Variants in DLEC1 observed in about 807,000 individuals in gnomAD.
The protein encoded by DLEC1 is DLEC1 cilia and flagella associated protein.
DLEC1 carries 146 observed loss-of-function variants against 198.1 expected under a neutral mutation model. The ratio of observed to expected loss-of-function variants is 0.74; its 90% CI spans 0.64 to 0.85. DLEC1 has a LOEUF of 0.85. Among genes scored for constraint, DLEC1 ranks in the 40% least tolerant of loss-of-function variants. The pLI is 0.00. For synonymous variants in DLEC1, 897 were observed against 866.8 expected, an observed-to-expected ratio of 1.03 and a Z score of -0.61; for missense variants, 2,233 against 2,220.0, an observed-to-expected ratio of 1.01 and a Z score of -0.12.
chr3:38,068,305 C>T (rs1697140086), intron 6 of DLEC1, among the ~76,000 whole-genome samples: 1 of 152,084 alleles, frequency 6.6e-6, no homozygotes, highest in Non-Finnish European at 1.5e-5. Flanking sequence ...TCTTGGCTCA[C>T]TGCAACCTCT....
chr3:38,055,845 G>A (rs751724566), intron 2 of DLEC1, among the ~76,000 whole-genome samples: 1 of 151,904 alleles, frequency 6.6e-6, no homozygotes, highest in Non-Finnish European at 1.5e-5. Context: ...CCTAGAAGAC[G>A]CTATGGGAGA....
At position 38,062,699 on chromosome 3, in the gene DLEC1, GT is replaced by G; in HGVS notation, c.999del (p.Pro334LeufsTer21). The G allele has an allele frequency of 1.9e-6, 3 of 1,613,980 alleles. No homozygotes were observed. Among genetic ancestry groups the G allele is most frequent in the Non-Finnish European group, 1.7e-6 (2 of 1,180,006 alleles). On this transcript the variant is annotated frameshift_variant, in exon 5 of 37. Transcript: ENST00000308059. LOFTEE classifies it high-confidence loss of function. The part of the protein sequence containing the change: ...ESRNHFLKNP[R>X]FFPPNTRYGG... The stretch of plus-strand genomic sequence containing the variant: ...CGGAACCACTTCCTAAAAAATCCCC[GT>G]TTTTTTCCTCCTAACACTCGATATG...
At chr3:38,084,359 G>T (rs953443272) in intron 7 of DLEC1, 114 bp downstream of exon 7, 1 of 851,178 alleles carries the variant, frequency 1.2e-6, no homozygotes, top group Non-Finnish European at 1.8e-6. Flanking sequence ...TAGTGGTGGT[G>T]GTAGTAGTAG....
In DLEC1 at chr3:38,117,448, G is replaced by A. The variant is rs752435685; in HGVS notation, c.4401-79G>A. ...GAGGAGCCCAGGGAAAGGCTGGCCC[G>A]AGGCTGGATGAGCAGAGTGGGGGCA... On this transcript the variant is annotated intron_variant, in intron 31 of 36. Coordinates refer to ENST00000308059, the MANE Select transcript of DLEC1 (RefSeq NM_007335.4). 87 of 1,605,512 alleles carry A rather than the reference G, an allele frequency of 5.4e-5. 2 individuals are homozygous for A. The highest frequency in any genetic ancestry group is 2.2e-4 in the South Asian group (20 of 90,840).
intron 6 of DLEC1, among the ~76,000 whole-genome samples, chr3:38,071,219 C>T (rs1028144088): frequency 1.1e-4 from 17 of 151,910 alleles, no homozygotes; most frequent in African/African-American, 3.4e-4. Context: ...AGAAACTAAA[C>T]GGAAGATACA....
intron 33 of DLEC1, among the ~76,000 whole-genome samples, chr3:38,118,268 G>A (rs888342181): frequency 6.6e-6 from 1 of 152,136 alleles, no homozygotes; most frequent in Non-Finnish European, 1.5e-5. Context: ...ATGCATGCAC[G>A]TGCTCCATAA....
chr3:38,097,954 G>A, intron 18 of DLEC1, 52 bp downstream of exon 18: 1 of 1,608,578 alleles, frequency 6.2e-7, no homozygotes, highest in Non-Finnish European at 8.5e-7. Context: ...AGCCCGTTTA[G>A]CTTGCCCTGG....
intron 1 of DLEC1, among the ~76,000 whole-genome samples, chr3:38,040,528 G>A (rs1700604721): frequency 6.6e-6 from 1 of 152,128 alleles, no homozygotes; most frequent in East Asian, 1.9e-4. Context: ...CCGCCTCCAC[G>A]GGTTATAGGC....
At chr3:38,068,160 G>A (rs1402592532) in intron 6 of DLEC1, among the ~76,000 whole-genome samples, 3 of 152,166 alleles carry the variant, frequency 2.0e-5, no homozygotes, top group African/African-American at 4.8e-5. Flanking sequence ...TCTGCATGCC[G>A]TAGATTACAA....
intron 6 of DLEC1, among the ~76,000 whole-genome samples, chr3:38,066,049 T>C (rs1203198846): frequency 1.3e-5 from 2 of 152,226 alleles, no homozygotes; most frequent in African/African-American, 4.8e-5. Flanking sequence ...CCATTTTTCC[T>C]CTTTTTTGAC....
Position 38,109,175 on chromosome 3 carries a change from C to A in DLEC1, c.3130-257C>A, listed in dbSNP as rs1165145448. Among the ~76,000 whole-genome samples the A allele has an allele frequency of 2.0e-5, 3 of 152,340 alleles. No individual in the cohort carries two copies. In the East Asian group the frequency reaches 5.8e-4, roughly 29 times the overall value. The stretch of plus-strand genomic sequence containing the variant: ...AGGAAGTGCGCAGCTTCTCCAGAGG[C>A]CCTCTCTGAGGGGTCTCCCTTCACG... On this transcript the variant is annotated intron_variant, in intron 21 of 36. Transcript: ENST00000308059.
Position 38,097,657 on chromosome 3 carries a change from G to A in DLEC1, c.2565+20G>A. The A allele has an allele frequency of 1.2e-6, 2 of 1,614,148 alleles. No individual in the cohort carries two copies. Among genetic ancestry groups the A allele is most frequent in the Non-Finnish European group, 1.7e-6 (2 of 1,180,002 alleles). ...TTTAAGGTGCTGCAGGTGGAGCTGG[G>A]CAGTGGGGTGGGCCCAGAGAGGTGG... On this transcript the variant is annotated intron_variant, in intron 17 of 36. Coordinates refer to ENST00000308059, the MANE Select transcript of DLEC1 (RefSeq NM_007335.4).
chr3:38,102,176 A>G (rs972747843), intron 19 of DLEC1, among the ~76,000 whole-genome samples: 1 of 151,546 alleles, frequency 6.6e-6, no homozygotes, highest in African/African-American at 2.4e-5. Context: ...TCTCTCCCCT[A>G]TTGACAAGGG....
chr3:38,091,254 A>G (rs147943462), intron 10 of DLEC1, among the ~76,000 whole-genome samples: 11,649 of 152,146 alleles, frequency 0.077, 526 homozygotes, highest in Non-Finnish European at 0.1. Flanking sequence ...TCTTGAGCCC[A>G]GGAGTTTGAG....
intron 35 of DLEC1, 89 bp from the exon 36 acceptor site, chr3:38,121,982 G>A (rs1700493428): frequency 6.4e-7 from 1 of 1,568,346 alleles, no homozygotes; most frequent in African/African-American, 1.3e-5. Context: ...AGCAAGACCA[G>A]AGGTACAGGC....
rs751713270 is a variant in DLEC1, at chr3:38,097,601, C to T, written c.2529C>T (p.Pro843=). The change falls in exon 17 of 37, where the codon CCC becomes CCT. Residue 843 remains proline, a synonymous_variant. Coordinates refer to ENST00000308059, the MANE Select transcript of DLEC1 (RefSeq NM_007335.4). The stretch of plus-strand genomic sequence containing the variant: ...TGCTGTGTGAAATCGAAGACTCGCC[C>T]TCGCCAGTGGTGTTACACATTGAGG... ...QDLLCEIEDS[P]SPVVLHIEAV... is the part of the protein sequence containing the mutation. The T allele has an allele frequency of 1.2e-6, 2 of 1,614,212 alleles. No homozygotes were observed. Among genetic ancestry groups the T allele is most frequent in the Admixed American group, 3.3e-5 (2 of 60,032 alleles).
chr3:38,039,518 G>A lies in DLEC1; in HGVS notation c.293G>A (p.Gly98Asp). ...RTQDISHLLT[G>D]VFRNLYSAEV... ...CAAGATATCTCGCACTTGCTCACCGGCGTCTTCCGCAACTTGTACTCAGCC... is the reference window on the plus strand; with the variant it reads ...CAAGATATCTCGCACTTGCTCACCGACGTCTTCCGCAACTTGTACTCAGCC... Residue 98 changes from glycine (G) to aspartate (D), a missense_variant, in exon 1 of 37, where the codon GGC (glycine) becomes GAC (aspartate). Transcript: ENST00000308059. The A allele has an allele frequency of 1.2e-6, 2 of 1,614,036 alleles. No individual in the cohort carries two copies. Among genetic ancestry groups the A allele is most frequent in the Non-Finnish European group, 1.7e-6 (2 of 1,179,918 alleles).
intron 2 of DLEC1, among the ~76,000 whole-genome samples, chr3:38,053,601 G>A (rs113210738): frequency 1.5e-3 from 179 of 120,820 alleles, no homozygotes; most frequent in Middle Eastern, 0.012. Flanking sequence ...CCGGCCAGCC[G>A]CCCCATCCGG....
intron 6 of DLEC1, 122 bp from the exon 7 acceptor site, chr3:38,084,036 T>C (rs1698210169): frequency 1.2e-6 from 1 of 864,092 alleles, no homozygotes; most frequent in Non-Finnish European, 1.8e-6. Context: ...GTTACCAACA[T>C]GTGGCCAAGC....
Sources: gnomAD v4.1 joint callset for allele counts (sites outside exome capture counted in the v4.1 genomes callset) on GRCh38, gnomAD v4.1.1 for gene constraint, MANE v1.5 for transcripts, NCBI Gene and HGNC (gene_info 2026-07-23, HGNC 2026-07-21) for gene names.